Variants in MTMR3 observed in about 807,000 individuals in gnomAD.
MTMR3 encodes the protein phosphatidylinositol-3,5-bisphosphate 3-phosphatase MTMR3.
A neutral mutation model predicts 132.4 loss-of-function variants in MTMR3; 32 were observed. The observed-to-expected ratio is 0.24, with a 90% CI of 0.18 to 0.32. The LOEUF is 0.32. Ranked by LOEUF, MTMR3 falls within the 10% of genes least tolerant of loss-of-function variation. The pLI, the probability that MTMR3 is intolerant of heterozygous loss-of-function variation, is 1.00. For missense variants in MTMR3, 1,216 were observed against 1,489.6 expected (o/e 0.82, Z 3.02); for synonymous variants, 556 against 550.3 (o/e 1.01, Z -0.14).
intron 2 of MTMR3, among the ~76,000 whole-genome samples, chr22:29,966,587 T>C (rs902912130): frequency 6.6e-5 from 10 of 152,192 alleles, no homozygotes; most frequent in African/African-American, 2.2e-4. Flanking sequence ...TCTTCCCTCA[T>C]CAACTACTTC....
At chr22:29,923,337 G>C (rs2065456635) in intron 1 of MTMR3, among the ~76,000 whole-genome samples, 1 of 151,376 alleles carries the variant, frequency 6.6e-6, no homozygotes, top group Non-Finnish European at 1.5e-5. Context: ...CTCTCAAAGT[G>C]CTGGGATTAC....
intron 1 of MTMR3, among the ~76,000 whole-genome samples, chr22:29,921,719 A>G (rs1361645617): frequency 2.0e-5 from 3 of 151,712 alleles, no homozygotes; most frequent in African/African-American, 4.9e-5. Context: ...TTACCATTCT[A>G]TTTTCTATCT....
At chr22:29,923,527 T>C (rs528307729) in intron 1 of MTMR3, among the ~76,000 whole-genome samples, 33 of 152,278 alleles carry the variant, frequency 2.2e-4, no homozygotes, top group African/African-American at 7.9e-4. Flanking sequence ...GAGTATCTTT[T>C]CTTGTATGTA....
At chr22:29,978,693 T>C (rs190238997) in intron 4 of MTMR3, among the ~76,000 whole-genome samples, 162 bp downstream of exon 4, 24 of 152,326 alleles carry the variant, frequency 1.6e-4, no homozygotes, top group African/African-American at 5.8e-4. Flanking sequence ...ACTTATTTCC[T>C]GAGAATCCAC....
chr22:29,906,286 G>GTCTATCTATCTA (rs369642536), intron 1 of MTMR3, among the ~76,000 whole-genome samples: 12 of 74,456 alleles, frequency 1.6e-4, no homozygotes, highest in Non-Finnish European at 1.8e-4. Context: ...CTGTCTGTCT[G>GTCTATCTATCTA]TCTATCTATC....
chr22:30,005,260 A>AT (rs1235317046), intron 9 of MTMR3: 4 of 152,172 alleles, frequency 2.6e-5, no homozygotes, highest in African/African-American at 7.2e-5. Context: ...TCCTTTAGTG[A>AT]TTTTTAACTG....
At chr22:29,909,074 C>T (rs1458651748) in intron 1 of MTMR3, among the ~76,000 whole-genome samples, 7 of 151,664 alleles carry the variant, frequency 4.6e-5, no homozygotes, top group Admixed American at 2.0e-4. Flanking sequence ...CAGGCTCCCA[C>T]GACCTTCCCA....
chr22:30,017,818 T>A (rs2067635379), intron 15 of MTMR3, 109 bp from the exon 16 acceptor site: 1 of 1,370,040 alleles, frequency 7.3e-7, no homozygotes, highest in Middle Eastern at 1.8e-4. Flanking sequence ...GGAGATCCTG[T>A]CAGCCCTGTT....
At chr22:29,966,880 T>G (rs1268912969) in intron 2 of MTMR3, among the ~76,000 whole-genome samples, 1 of 152,008 alleles carries the variant, frequency 6.6e-6, no homozygotes, top group African/African-American at 2.4e-5. Flanking sequence ...ATTATTTCAT[T>G]TTTAGCTAGT....
intron 1 of MTMR3, among the ~76,000 whole-genome samples, chr22:29,893,487 G>A (rs1428779188): frequency 6.6e-6 from 1 of 152,178 alleles, no homozygotes; most frequent in East Asian, 1.9e-4. Context: ...TTTGCTGTGA[G>A]TGAATGAAAA....
At chr22:29,896,867 T>TCACACACACACACACACACACACACA (rs1491465662) in intron 1 of MTMR3, among the ~76,000 whole-genome samples, 14 of 36,726 alleles carry the variant, frequency 3.8e-4, no homozygotes, top group South Asian at 8.3e-4. Flanking sequence ...AACAGGCTTG[T>TCACACACACACACACACACACACACA]CTCACACACA....
chr22:30,025,958 ATT>A lies in MTMR3; in HGVS notation c.*161_*162del. 1 of 666,198 alleles carries A rather than the reference ATT, an allele frequency of 1.5e-6. No individual in the cohort carries two copies. Among genetic ancestry groups the A allele is most frequent in the Non-Finnish European group, 2.5e-6 (1 of 405,484 alleles). 41.3% of individuals were successfully genotyped at this position (666,198 alleles called of 1,614,324 possible). A position where few individuals can be genotyped will look rare whatever the true frequency, so the allele number is the denominator to read the frequency against. On this transcript the variant is annotated 3_prime_UTR_variant, in exon 20 of 20. Transcript: ENST00000401950. ...GGATGCACCACTGGATTGTAGATTG[ATT>A]TTTCTTTCCTGTCCCCCTACTCCCT...
At chr22:29,884,551 CTTTTTTTTT>C (rs35960936) in intron 1 of MTMR3, among the ~76,000 whole-genome samples, 2,805 of 62,692 alleles carry the variant, frequency 0.045, 134 homozygotes, top group African/African-American at 0.15. Context: ...CAGAATGACA[CTTTTTTTTT>C]TTTTTTTTTT....
At position 30,030,757 on chromosome 22, in the gene MTMR3, G is replaced by C. The variant is rs1016369318; in HGVS notation, c.*4956G>C. 6.6e-6 allele frequency: 1 copy of C among 152,122 alleles called. No individual in the cohort carries two copies. The highest frequency in any genetic ancestry group is 1.5e-5 in the Non-Finnish European group (1 of 68,000). 9.4% of individuals were successfully genotyped at this position (152,122 alleles called of 1,614,324 possible). A position where few individuals can be genotyped will look rare whatever the true frequency, so the allele number is the denominator to read the frequency against. On this transcript the variant is annotated 3_prime_UTR_variant, in exon 20 of 20. Coordinates refer to ENST00000401950, the MANE Select transcript of MTMR3 (RefSeq NM_021090.4). ...TTTTCATACTGTTCTCTGGGGCCTC[G>C]TGGAGAGGGAGCCTCCAGGCCCATT...
chr22:29,930,009 A>T (rs1005780806), intron 1 of MTMR3, among the ~76,000 whole-genome samples: 1 of 152,164 alleles, frequency 6.6e-6, no homozygotes, highest in East Asian at 1.9e-4. Context: ...GGTTCCAGAC[A>T]CATAGTCTTT....
At position 30,025,789 on chromosome 22, in the gene MTMR3, C is replaced by T. The variant is rs2067900591; in HGVS notation, c.3585C>T (p.Ala1195=). Residue 1195 remains alanine (A), a synonymous_variant, in exon 20 of 20, where the codon GCC becomes GCT. Coordinates refer to ENST00000401950, the MANE Select transcript of MTMR3 (RefSeq NM_021090.4). ...IDLELDKPIA[A]TSN ...TTGAACTGGATAAGCCCATTGCTGCCACTTCCAACTGAAGCTCAGTGACCT... is the reference window on the plus strand; with the variant it reads ...TTGAACTGGATAAGCCCATTGCTGCTACTTCCAACTGAAGCTCAGTGACCT... The T allele has an allele frequency of 6.2e-7, 1 of 1,613,942 alleles. No individual in the cohort carries two copies.
At chr22:29,957,964 A>C (rs1355209916) in intron 2 of MTMR3, among the ~76,000 whole-genome samples, 1 of 151,988 alleles carries the variant, frequency 6.6e-6, no homozygotes, top group Non-Finnish European at 1.5e-5. Flanking sequence ...AGTAAACTTA[A>C]TCATAGGTAC....
At chr22:29,952,771 A>G (rs1220051420) in intron 1 of MTMR3, among the ~76,000 whole-genome samples, 1 of 152,160 alleles carries the variant, frequency 6.6e-6, no homozygotes, top group Non-Finnish European at 1.5e-5. Context: ...GGTTTTAGAA[A>G]ATTTGAGCAG....
intron 1 of MTMR3, among the ~76,000 whole-genome samples, chr22:29,951,437 G>C (rs2066078048): frequency 2.6e-5 from 4 of 152,164 alleles, no homozygotes; most frequent in Admixed American, 2.6e-4. Context: ...TTTACTTACA[G>C]TTAATCTTTT....
Sources: allele counts gnomAD v4.1 joint callset (sites outside exome capture counted in the v4.1 genomes callset), GRCh38; gene constraint gnomAD v4.1.1; transcripts MANE v1.5; gene names NCBI Gene and HGNC (gene_info 2026-07-23, HGNC 2026-07-21).